The following GRM8 variants were observed in gnomAD, a reference collection of about 807,000 sequenced individuals.
GRM8 encodes metabotropic glutamate receptor 8.
GRM8 carries 47 observed loss-of-function variants against 87.2 expected under a neutral mutation model. The ratio of observed to expected loss-of-function variants is 0.54; its 90% CI spans 0.43 to 0.69. The LOEUF (loss-of-function observed/expected upper bound fraction) is 0.69, where lower values mean the gene tolerates loss of function less well. GRM8 is among the 30% of genes least tolerant of loss of function. GRM8 has a pLI of 0.00. For synonymous variants in GRM8, 396 were observed against 404.5 expected, an observed-to-expected ratio of 0.98 and a Z score of 0.25; for missense variants, 1,019 against 1,139.2, an observed-to-expected ratio of 0.89 and a Z score of 1.52.
intron 7 of GRM8, among the ~76,000 whole-genome samples, chr7:126,756,950 T>C (rs1817075394): frequency 1.3e-5 from 2 of 152,154 alleles, no homozygotes; most frequent in African/African-American, 2.4e-5. Context: ...GGTAATATTT[T>C]CTTTACCAGT....
chr7:126,977,804 A>T (rs1170928103), intron 3 of GRM8, among the ~76,000 whole-genome samples: 2 of 152,236 alleles, frequency 1.3e-5, no homozygotes, highest in Non-Finnish European at 2.9e-5. Flanking sequence ...TAGAGCGGAC[A>T]TCATAAAATT....
At chr7:126,918,417 T>A (rs181255171) in intron 3 of GRM8, among the ~76,000 whole-genome samples, 2 of 152,172 alleles carry the variant, frequency 1.3e-5, no homozygotes, top group East Asian at 3.9e-4. Context: ...CAAAAGGAGA[T>A]TTAATCTAAC....
intron 3 of GRM8, among the ~76,000 whole-genome samples, chr7:127,091,717 A>G (rs1824119383): frequency 3.1e-5 from 2 of 64,504 alleles, no homozygotes; most frequent in Admixed American, 2.0e-4. Context: ...CTGCCATCCC[A>G]CTGATCATCC....
At chr7:126,816,386 G>T (rs12666920) in intron 6 of GRM8, among the ~76,000 whole-genome samples, 2 of 152,054 alleles carry the variant, frequency 1.3e-5, no homozygotes, top group African/African-American at 2.4e-5. Flanking sequence ...TTATCATTTA[G>T]GTAGTTTTAA....
chr7:127,045,728 C>T (rs1586842167), intron 3 of GRM8, among the ~76,000 whole-genome samples: 1 of 152,180 alleles, frequency 6.6e-6, no homozygotes, highest in East Asian at 1.9e-4. Flanking sequence ...CAAGCTACCT[C>T]TTCTGTTCTC....
At chr7:126,501,987 T>A (rs1398417423) in intron 9 of GRM8, among the ~76,000 whole-genome samples, 2 of 151,936 alleles carry the variant, frequency 1.3e-5, no homozygotes, top group East Asian at 3.9e-4. Context: ...ATGATTTACT[T>A]TTTTAGAGCA....
chr7:126,705,117 G>A (rs912815994), intron 7 of GRM8, among the ~76,000 whole-genome samples: 15 of 152,126 alleles, frequency 9.9e-5, no homozygotes, highest in African/African-American at 2.7e-4. Context: ...TTCTCAATCC[G>A]GCCGATGCTT....
At chr7:127,084,005 G>T (rs1463437629) in intron 3 of GRM8, among the ~76,000 whole-genome samples, 2 of 152,116 alleles carry the variant, frequency 1.3e-5, no homozygotes, top group East Asian at 3.9e-4. Context: ...TACATGTATT[G>T]GAGACCTTAG....
At chr7:126,526,048 C>A (rs1006123138) in intron 9 of GRM8, among the ~76,000 whole-genome samples, 2 of 152,084 alleles carry the variant, frequency 1.3e-5, no homozygotes, top group African/African-American at 4.8e-5. Context: ...TTTTACATTT[C>A]TCAACATAAA....
intron 6 of GRM8, among the ~76,000 whole-genome samples, chr7:126,794,342 G>C (rs974665378): frequency 6.6e-6 from 1 of 152,086 alleles, no homozygotes; most frequent in Non-Finnish European, 1.5e-5. Context: ...CCCAGGTTTA[G>C]TGTCTCCAAA....
intron 3 of GRM8, among the ~76,000 whole-genome samples, chr7:127,008,330 A>C (rs1814527182): frequency 6.6e-6 from 1 of 152,118 alleles, no homozygotes; most frequent in African/African-American, 2.4e-5. Context: ...GATTCAAATA[A>C]TGAGCTTCCT....
chr7:126,600,953 T>A (rs1422846440), intron 8 of GRM8, among the ~76,000 whole-genome samples: 1 of 151,960 alleles, frequency 6.6e-6, no homozygotes, highest in Non-Finnish European at 1.5e-5. Context: ...TATTATACTT[T>A]AAGTTTTAGG....
intron 6 of GRM8, chr7:126,869,057 A>G (rs191140445): frequency 7.2e-5 from 11 of 152,336 alleles, no homozygotes; most frequent in African/African-American, 2.2e-4. Flanking sequence ...GTAGGAAATT[A>G]TAAGTCTTTG....
chr7:127,017,351 A>T (rs1815787698), intron 3 of GRM8, among the ~76,000 whole-genome samples: 1 of 152,000 alleles, frequency 6.6e-6, no homozygotes, highest in Admixed American at 6.6e-5. Flanking sequence ...GAGAACATTG[A>T]TCAGCTGACT....
chr7:126,775,492 T>TTTTTTTTTTTTG (rs1819355755), intron 6 of GRM8, among the ~76,000 whole-genome samples: 1 of 147,812 alleles, frequency 6.8e-6, no homozygotes, highest in African/African-American at 2.6e-5. Context: ...TTTTTTTTTT[T>TTTTTTTTTTTTG]TTTTTTTTTT....
At chr7:126,520,127 T>G (rs971002317) in intron 9 of GRM8, among the ~76,000 whole-genome samples, 4 of 152,030 alleles carry the variant, frequency 2.6e-5, no homozygotes, top group Non-Finnish European at 5.9e-5. Flanking sequence ...AACATAGATC[T>G]AGGAGAAATT....
chr7:126,592,779 T>A (rs1037411895), intron 8 of GRM8, among the ~76,000 whole-genome samples: 34 of 151,866 alleles, frequency 2.2e-4, no homozygotes, highest in African/African-American at 8.0e-4. Context: ...ACTTCTTCTA[T>A]TCAGTACATA....
In GRM8 at chr7:126,533,596, T is replaced by G; in HGVS notation, c.1786A>C (p.Ile596Leu). The change falls in exon 9 of 11, where the codon ATC (isoleucine) becomes CTC (leucine). Residue 596 changes from isoleucine (I) to leucine (L), a missense_variant. Transcript: ENST00000339582. ...VPVFVAILGI[I>L]ATTFVIVTFV... ...GTCACGATCACAAAGGTGGTGGCGA[T>G]GATTCCCAATATTGCAACAAACACA... 2 of 1,614,050 alleles carry G rather than the reference T, an allele frequency of 1.2e-6. No individual in the cohort carries two copies. Among genetic ancestry groups the G allele is most frequent in the South Asian group, 2.2e-5 (2 of 91,074 alleles).
chr7:126,881,378 G>A (rs576796924), intron 6 of GRM8, among the ~76,000 whole-genome samples: 1 of 152,194 alleles, frequency 6.6e-6, no homozygotes, highest in Non-Finnish European at 1.5e-5. Context: ...GAAAGGACAT[G>A]ATCACGGCCA....
Sources: gnomAD v4.1 joint callset for allele counts (sites outside exome capture counted in the v4.1 genomes callset) on GRCh38, gnomAD v4.1.1 for gene constraint, MANE v1.5 for transcripts, NCBI Gene and HGNC (gene_info 2026-07-23, HGNC 2026-07-21) for gene names.